The following TFDP2 variants were observed in gnomAD, a reference collection of about 807,000 sequenced individuals.
TFDP2 encodes the protein transcription factor Dp-2 (E2F dimerization partner 2).
Under a neutral mutation model 59.3 loss-of-function variants are expected in TFDP2, and 17 were observed. That is an observed-to-expected ratio of 0.29 (90% CI 0.20 to 0.43). The LOEUF is 0.43. Ranked by LOEUF, TFDP2 falls within the 20% of genes least tolerant of loss-of-function variation. The probability of loss-of-function intolerance (pLI) is 1.00; values close to 1 mark genes in which losing one functional copy is unlikely to be tolerated. For missense variants in TFDP2, 391 were observed against 528.8 expected (o/e 0.74, Z 2.56); for synonymous variants, 180 against 194.7 (o/e 0.92, Z 0.63).
chr3:141,963,676 G>A, intron 10 of TFDP2, 136 bp downstream of exon 10: 1 of 938,590 alleles, frequency 1.1e-6, no homozygotes, highest in Non-Finnish European at 1.6e-6. Context: ...CATGGTTCAG[G>A]AGGTGTTTCA....
intron 6 of TFDP2, among the ~76,000 whole-genome samples, chr3:141,980,466 C>T (rs1341005878): frequency 4.6e-5 from 7 of 151,954 alleles, no homozygotes. Flanking sequence ...ACTACAGCAA[C>T]CTATTGTACT....
chr3:142,074,745 G>A (rs1485222667), intron 3 of TFDP2, among the ~76,000 whole-genome samples: 4 of 151,830 alleles, frequency 2.6e-5, no homozygotes, highest in Non-Finnish European at 4.4e-5. Flanking sequence ...CCGGCTACTC[G>A]GGAGGCTGAG....
chr3:142,111,788 G>C (rs1036592958), intron 1 of TFDP2, among the ~76,000 whole-genome samples: 1 of 152,130 alleles, frequency 6.6e-6, no homozygotes, highest in Non-Finnish European at 1.5e-5. Context: ...AGATTTGGCC[G>C]GGTGTGGTGG....
intron 9 of TFDP2, among the ~76,000 whole-genome samples, chr3:141,965,814 A>G (rs1405535588): frequency 6.6e-6 from 1 of 152,004 alleles, no homozygotes; most frequent in African/African-American, 2.4e-5. Flanking sequence ...TATTGAGGTT[A>G]CATTTCATTA....
At chr3:142,014,883 G>T (rs1945011623) in intron 3 of TFDP2, among the ~76,000 whole-genome samples, 2 of 152,120 alleles carry the variant, frequency 1.3e-5, no homozygotes, top group South Asian at 4.1e-4. Context: ...GCCCTCTACA[G>T]CAAAACTACT....
At chr3:142,101,699 A>C (rs1249728863) in intron 2 of TFDP2, 36 bp downstream of exon 2, 1 of 1,324,082 alleles carries the variant, frequency 7.6e-7, no homozygotes, top group Non-Finnish European at 1.0e-6. Context: ...GCTCACTTTA[A>C]ACAATACTTA....
chr3:141,981,234 T>C (rs979090157), intron 6 of TFDP2, among the ~76,000 whole-genome samples: 10 of 152,368 alleles, frequency 6.6e-5, no homozygotes, highest in African/African-American at 2.2e-4. Flanking sequence ...ACCTATAGTA[T>C]TCAAACCAGT....
chr3:142,062,646 A>T (rs1264161879), intron 3 of TFDP2, among the ~76,000 whole-genome samples: 2 of 152,062 alleles, frequency 1.3e-5, no homozygotes, highest in Non-Finnish European at 2.9e-5. Flanking sequence ...TCCTAGGTGT[A>T]TGCCCTGTAG....
chr3:141,970,185 A>T, intron 8 of TFDP2, 44 bp from the exon 9 acceptor site: 2 of 1,573,706 alleles, frequency 1.3e-6, no homozygotes, highest in Non-Finnish European at 1.7e-6. Flanking sequence ...TAGGTAGACT[A>T]TAAAATATCG....
intron 1 of TFDP2, among the ~76,000 whole-genome samples, chr3:142,103,660 G>T (rs1380241387): frequency 6.6e-6 from 1 of 152,158 alleles, no homozygotes; most frequent in Non-Finnish European, 1.5e-5. Context: ...GTGAATCTGG[G>T]TGAAGGGCAT....
chr3:141,945,283 C>T lies in TFDP2; in HGVS notation c.*7230G>A, dbSNP rs550113554. The stretch of plus-strand genomic sequence containing the variant: ...TAGCTGGGATTACAGGCATGCGCCA[C>T]CACACCCGGCTAATTTTATATTTTT... On this transcript the variant is annotated 3_prime_UTR_variant, in exon 13 of 13. Coordinates refer to ENST00000489671, the MANE Select transcript of TFDP2 (RefSeq NM_001178139.2). 6.6e-6 allele frequency: 1 copy of T among 152,244 alleles called. No homozygotes were observed. Among genetic ancestry groups the T allele is most frequent in the Admixed American group, 6.5e-5 (1 of 15,294 alleles). The allele number at this position is 152,244 out of a possible 1,614,324, so 9.4% of individuals were successfully genotyped here.
chr3:142,045,853 C>T (rs545942841), intron 3 of TFDP2, among the ~76,000 whole-genome samples: 1 of 151,776 alleles, frequency 6.6e-6, no homozygotes, highest in African/African-American at 2.4e-5. Flanking sequence ...AAAATCCTGA[C>T]CTCAAGTGAT....
intron 1 of TFDP2, among the ~76,000 whole-genome samples, chr3:142,147,301 TA>T (rs1381376745): frequency 2.0e-5 from 3 of 152,294 alleles, no homozygotes; most frequent in Middle Eastern, 3.4e-3. Context: ...CACTACAATT[TA>T]AAATTCTATG....
intron 3 of TFDP2, chr3:142,028,752 A>G (rs1261472731): frequency 1.0e-6 from 1 of 982,050 alleles, no homozygotes; most frequent in Non-Finnish European, 1.2e-6. Flanking sequence ...TGTTTAGTTA[A>G]CTGGCTTTCA....
intron 3 of TFDP2, among the ~76,000 whole-genome samples, chr3:142,062,883 G>T (rs951283154): frequency 6.6e-6 from 1 of 152,092 alleles, no homozygotes; most frequent in Non-Finnish European, 1.5e-5. Flanking sequence ...AGTCACAAAA[G>T]AATAAATACT....
intron 4 of TFDP2, among the ~76,000 whole-genome samples, chr3:141,997,532 T>C (rs965948929): frequency 1.4e-4 from 22 of 152,014 alleles, no homozygotes; most frequent in Non-Finnish European, 2.8e-4. Flanking sequence ...ATGCTTGGTT[T>C]TGCTGATTTA....
chr3:142,142,340 G>A (rs908550860), intron 1 of TFDP2, among the ~76,000 whole-genome samples: 7 of 152,134 alleles, frequency 4.6e-5, no homozygotes, highest in Admixed American at 3.9e-4. Context: ...AATTTTAAAA[G>A]TAACTCCATT....
At chr3:142,016,907 T>C (rs187879614) in intron 3 of TFDP2, among the ~76,000 whole-genome samples, 1 of 152,318 alleles carries the variant, frequency 6.6e-6, no homozygotes, top group Non-Finnish European at 1.5e-5. Flanking sequence ...TGCAGTCCTC[T>C]TTCTGACCTT....
chr3:142,125,054 A>T (rs1023327331), intron 1 of TFDP2, among the ~76,000 whole-genome samples: 58 of 152,012 alleles, frequency 3.8e-4, no homozygotes, highest in African/African-American at 9.7e-4. Context: ...AATTTTTTTT[A>T]AATTAGCCAA....
Sources: allele counts gnomAD v4.1 joint callset (sites outside exome capture counted in the v4.1 genomes callset), GRCh38; gene constraint gnomAD v4.1.1; transcripts MANE v1.5; gene names NCBI Gene and HGNC (gene_info 2026-07-23, HGNC 2026-07-21).